The following TOMM20 variants were observed in gnomAD, a reference collection of about 807,000 sequenced individuals.
The protein encoded by TOMM20 is mitochondrial import receptor subunit TOM20 homolog.
In TOMM20, 10 loss-of-function variants were observed where a neutral mutation model predicts 22.1. The observed-to-expected ratio is 0.45, with a 90% CI of 0.28 to 0.77. The LOEUF is 0.77. Ranked by LOEUF, TOMM20 falls within the 30% of genes least tolerant of loss-of-function variation. The pLI is 0.13. For synonymous variants in TOMM20, 55 were observed against 61.4 expected (o/e 0.90, Z 0.49); for missense variants, 121 against 172.2 (o/e 0.70, Z 1.66).
chr1:235,123,505 T>A (rs190861321), intron 1 of TOMM20, among the ~76,000 whole-genome samples: 2 of 152,236 alleles, frequency 1.3e-5, no homozygotes. Context: ...TCTCCCTACC[T>A]GTAGACAGAA....
At chr1:235,115,210 T>C (rs1416103381) in intron 3 of TOMM20, among the ~76,000 whole-genome samples, 1 of 152,090 alleles carries the variant, frequency 6.6e-6, no homozygotes, top group Non-Finnish European at 1.5e-5. Flanking sequence ...CCAAAAACTG[T>C]CCCAAAATAT....
At chr1:235,113,649 T>G (rs1426733537) in intron 4 of TOMM20, 119 bp downstream of exon 4, 1 of 1,304,724 alleles carries the variant, frequency 7.7e-7, no homozygotes, top group Non-Finnish European at 1.0e-6. Flanking sequence ...TCTCCCATAT[T>G]GTTTTCATTA....
rs1465792614 is a variant in TOMM20, at chr1:235,113,622, A to C, written c.393+146T>G. 5 of 1,061,334 alleles carry C rather than the reference A, an allele frequency of 4.7e-6. No individual in the cohort carries two copies. The African/African-American group carries it at 6.5e-5, about 14-fold the overall frequency. 65.7% of individuals were successfully genotyped at this position (1,061,334 alleles called of 1,614,324 possible). On this transcript the variant is annotated intron_variant, in intron 4 of 4. Coordinates refer to ENST00000366607, the MANE Select transcript of TOMM20 (RefSeq NM_014765.3). ...CTGGATGTTTCCCACCAGAGAGGAA[A>C]ATGTCAAGCGCTGATATCTCCCATA... is the stretch of plus-strand genomic sequence containing the variant.
At chr1:235,117,716 T>C (rs1001186174) in intron 3 of TOMM20, among the ~76,000 whole-genome samples, 2 of 152,092 alleles carry the variant, frequency 1.3e-5, no homozygotes, top group African/African-American at 4.8e-5. Flanking sequence ...TGAGAAACAT[T>C]TTGGGTAAAA....
rs757129565 is a variant in TOMM20, at chr1:235,128,763, G to C, written c.-48C>G. The C allele has an allele frequency of 1.9e-6, 3 of 1,611,234 alleles. No homozygotes were observed. The highest frequency in any genetic ancestry group is 2.2e-5 in the East Asian group (1 of 44,852). ...GACGGTGGCGGCAGGGACCGCGAAGGAGCGGTGGGCCACGAACCCTCAGAG... is the reference window on the plus strand; with the variant it reads ...GACGGTGGCGGCAGGGACCGCGAAGCAGCGGTGGGCCACGAACCCTCAGAG... On this transcript the variant is annotated 5_prime_UTR_variant, in exon 1 of 5. Coordinates refer to ENST00000366607, the MANE Select transcript of TOMM20 (RefSeq NM_014765.3).
intron 3 of TOMM20, among the ~76,000 whole-genome samples, chr1:235,118,916 C>T (rs1231438144): frequency 6.6e-6 from 1 of 152,082 alleles, no homozygotes; most frequent in Non-Finnish European, 1.5e-5. Context: ...CTATTGATAT[C>T]AAAAAAGTAT....
At chr1:235,126,715 G>C (rs1187437807) in intron 1 of TOMM20, among the ~76,000 whole-genome samples, 1 of 152,010 alleles carries the variant, frequency 6.6e-6, no homozygotes, top group African/African-American at 2.4e-5. Flanking sequence ...AGGCAGAATT[G>C]CTTGAACCCG....
intron 1 of TOMM20, 111 bp from the exon 2 acceptor site, chr1:235,122,483 C>T (rs1466812239): frequency 1.0e-6 from 1 of 968,302 alleles, no homozygotes; most frequent in African/African-American, 1.7e-5. Flanking sequence ...ATTTCTAACT[C>T]TAGGAATCTA....
chr1:235,114,347 A>C (rs1215083311), intron 3 of TOMM20, among the ~76,000 whole-genome samples: 1 of 152,158 alleles, frequency 6.6e-6, no homozygotes, highest in Non-Finnish European at 1.5e-5. Flanking sequence ...AAAAAATTTT[A>C]AGTGATACTA....
chr1:235,119,240 T>G (rs907623456), intron 3 of TOMM20: 1 of 152,226 alleles, frequency 6.6e-6, no homozygotes, highest in Non-Finnish European at 1.5e-5. Context: ...AGAAACTTCT[T>G]AGCACTGTTG....
At chr1:235,112,188 G>A in intron 4 of TOMM20, 80 bp from the exon 5 acceptor site, 4 of 1,131,182 alleles carry the variant, frequency 3.5e-6, no homozygotes, top group Non-Finnish European at 3.8e-6. Context: ...AATGCTCTTT[G>A]TATTCAAAGA....
chr1:235,118,489 C>G (rs1442264961), intron 3 of TOMM20, among the ~76,000 whole-genome samples: 1 of 152,178 alleles, frequency 6.6e-6, no homozygotes, highest in Non-Finnish European at 1.5e-5. Context: ...TGTTTCCTGA[C>G]TGGTGCCTAT....
At chr1:235,112,246 T>TA (rs1202724574) in intron 4 of TOMM20, 138 bp from the exon 5 acceptor site, 3 of 702,018 alleles carry the variant, frequency 4.3e-6, no homozygotes, top group Non-Finnish European at 7.2e-6. Context: ...ATTCAAAATG[T>TA]AACACTTTAC....
chr1:235,120,062 A>G (rs1558129442), intron 2 of TOMM20, among the ~76,000 whole-genome samples, 163 bp from the exon 3 acceptor site: 1 of 152,244 alleles, frequency 6.6e-6, no homozygotes, highest in Non-Finnish European at 1.5e-5. Context: ...TTAAGAGTTC[A>G]TCTACATTCA....
In TOMM20 at chr1:235,128,757, G is replaced by A. The variant is rs753568995; in HGVS notation, c.-42C>T. ...AGCGTGGACGGTGGCGGCAGGGACC[G>A]CGAAGGAGCGGTGGGCCACGAACCC... On this transcript the variant is annotated 5_prime_UTR_variant, in exon 1 of 5. Coordinates refer to ENST00000366607, the MANE Select transcript of TOMM20 (RefSeq NM_014765.3). 6.2e-7 allele frequency: 1 copy of A among 1,611,760 alleles called. No homozygotes were observed. The highest frequency in any genetic ancestry group is 1.1e-5 in the South Asian group (1 of 91,038).
rs759240573 is a variant in TOMM20, at chr1:235,128,771, G to C, written c.-56C>G. The C allele has an allele frequency of 3.1e-6, 5 of 1,609,912 alleles. No homozygotes were observed. Among genetic ancestry groups the C allele is most frequent in the Non-Finnish European group, 4.2e-6 (5 of 1,178,712 alleles). The stretch of plus-strand genomic sequence containing the variant: ...CGGCAGGGACCGCGAAGGAGCGGTG[G>C]GCCACGAACCCTCAGAGCGGTCGGC... On this transcript the variant is annotated 5_prime_UTR_variant, in exon 1 of 5. Coordinates refer to ENST00000366607, the MANE Select transcript of TOMM20 (RefSeq NM_014765.3).
chr1:235,113,614 G>C (rs1428226636), intron 4 of TOMM20, among the ~76,000 whole-genome samples, 154 bp downstream of exon 4: 1 of 152,160 alleles, frequency 6.6e-6, no homozygotes, highest in East Asian at 1.9e-4. Context: ...TTTCCCACCA[G>C]AGAGGAAAAT....
At chr1:235,126,922 A>G (rs1661034269) in intron 1 of TOMM20, among the ~76,000 whole-genome samples, 1 of 152,248 alleles carries the variant, frequency 6.6e-6, no homozygotes, top group South Asian at 2.1e-4. Flanking sequence ...TTACTTGCCT[A>G]AAGTTACTGC....
chr1:235,127,906 A>G (rs953773190), intron 1 of TOMM20: 2 of 519,104 alleles, frequency 3.9e-6, no homozygotes, highest in Non-Finnish European at 7.7e-6. Context: ...AAGCACTTAG[A>G]ACGAAGCTAC....
Sources: gnomAD v4.1 joint callset for allele counts (sites outside exome capture counted in the v4.1 genomes callset) on GRCh38, gnomAD v4.1.1 for gene constraint, MANE v1.5 for transcripts, NCBI Gene and HGNC (gene_info 2026-07-23, HGNC 2026-07-21) for gene names.